GRM7: variants seen among roughly 807,000 people sequenced by gnomAD.
The protein encoded by GRM7 is glutamate metabotropic receptor 7.
GRM7 carries 35 observed loss-of-function variants against 84.5 expected under a neutral mutation model. The observed-to-expected ratio is 0.41, with a 90% CI of 0.32 to 0.55. The LOEUF is 0.55. Among genes scored for constraint, GRM7 ranks in the 20% least tolerant of loss-of-function variants. The pLI, the probability that GRM7 is intolerant of heterozygous loss-of-function variation, is 0.19. For synonymous variants in GRM7, 487 were observed against 455.1 expected (o/e 1.07, Z -0.89); for missense variants, 1,003 against 1,194.6 (o/e 0.84, Z 2.36).
chr3:7,736,698 A>G (rs1317367334), intron 9 of GRM7, among the ~76,000 whole-genome samples: 1 of 152,112 alleles, frequency 6.6e-6, no homozygotes, highest in African/African-American at 2.4e-5. Flanking sequence ...ATTGCATCTT[A>G]TTTCCTATGA....
intron 2 of GRM7, among the ~76,000 whole-genome samples, chr3:7,223,679 A>G (rs964602883): frequency 6.6e-6 from 1 of 152,214 alleles, no homozygotes; most frequent in Non-Finnish European, 1.5e-5. Context: ...ACATGACAAT[A>G]AAAACCTCCT....
intron 4 of GRM7, among the ~76,000 whole-genome samples, chr3:7,341,923 A>G (rs866172081): frequency 6.6e-6 from 1 of 152,166 alleles, no homozygotes; most frequent in Non-Finnish European, 1.5e-5. Flanking sequence ...GCTGTCATTC[A>G]GAAGACAAGG....
At chr3:6,919,873 G>T (rs148142958) in intron 1 of GRM7, among the ~76,000 whole-genome samples, 5 of 152,242 alleles carry the variant, frequency 3.3e-5, no homozygotes, top group African/African-American at 1.2e-4. Context: ...GAATGTGCCT[G>T]TTCCACTTTG....
intron 1 of GRM7, among the ~76,000 whole-genome samples, chr3:7,007,904 G>A (rs530582616): frequency 6.6e-6 from 1 of 152,240 alleles, no homozygotes; most frequent in Admixed American, 6.5e-5. Context: ...TGACACCAGG[G>A]ACATTTGGTT....
chr3:7,352,040 TCACACA>T (rs1033361524), intron 4 of GRM7, among the ~76,000 whole-genome samples: 3 of 132,120 alleles, frequency 2.3e-5, no homozygotes, highest in Non-Finnish European at 4.7e-5. Context: ...TCTCTCTCTC[TCACACA>T]CACACACACA....
chr3:7,153,947 G>A (rs114154698), intron 2 of GRM7, among the ~76,000 whole-genome samples: 1,905 of 152,288 alleles, frequency 0.013, 13 homozygotes, highest in Non-Finnish European at 0.02. Flanking sequence ...CCAAAGGTAA[G>A]TAGATGTTAA....
chr3:7,348,774 C>T (rs545841540), intron 4 of GRM7, among the ~76,000 whole-genome samples: 6 of 152,224 alleles, frequency 3.9e-5, no homozygotes, highest in African/African-American at 1.4e-4. Flanking sequence ...GCAATAGGGC[C>T]TGGCAATCTG....
intron 1 of GRM7, among the ~76,000 whole-genome samples, chr3:7,012,909 T>A (rs1461986655): frequency 6.6e-6 from 1 of 152,148 alleles, no homozygotes; most frequent in African/African-American, 2.4e-5. Context: ...TCCAGCTAAT[T>A]TGTTATTTTT....
chr3:7,526,909 ATGT>A (rs1700829463), intron 7 of GRM7, among the ~76,000 whole-genome samples: 2 of 151,988 alleles, frequency 1.3e-5, no homozygotes, highest in South Asian at 4.2e-4. Context: ...TAACAGTACC[ATGT>A]TGTTTTGGTT....
chr3:7,730,021 CCCA>C (rs1352312841), intron 9 of GRM7, among the ~76,000 whole-genome samples: 1 of 149,660 alleles, frequency 6.7e-6, no homozygotes, highest in African/African-American at 2.5e-5. Flanking sequence ...ATTGCAGGCG[CCCA>C]CCATCACACC....
At chr3:7,093,276 C>A (rs1343635933) in intron 1 of GRM7, among the ~76,000 whole-genome samples, 1 of 151,970 alleles carries the variant, frequency 6.6e-6, no homozygotes, top group African/African-American at 2.4e-5. Context: ...TACTGACTGA[C>A]TGTGATGGAG....
At chr3:6,864,559 T>A (rs971515019) in intron 1 of GRM7, among the ~76,000 whole-genome samples, 2 of 152,212 alleles carry the variant, frequency 1.3e-5, no homozygotes, top group Admixed American at 1.3e-4. Context: ...ATTAAGATTG[T>A]CCTACATAAA....
At chr3:7,066,569 G>T (rs1334879141) in intron 1 of GRM7, among the ~76,000 whole-genome samples, 1 of 151,858 alleles carries the variant, frequency 6.6e-6, no homozygotes, top group African/African-American at 2.4e-5. Flanking sequence ...AGGACCAGAT[G>T]GATTCACAGC....
In GRM7 at chr3:7,578,399, C is replaced by T. The variant is rs780632777; in HGVS notation, c.1516-23C>T. ...TCTCTTGAAGAATCTGCCTGATTCA[C>T]CTTCTTATTTCTTATGTTACAGATA... On this transcript the variant is annotated intron_variant, in intron 7 of 9. Coordinates refer to ENST00000357716, the MANE Select transcript of GRM7 (RefSeq NM_000844.4). The T allele has an allele frequency of 2.0e-6, 3 of 1,496,978 alleles. No individual in the cohort carries two copies. In the South Asian group the frequency reaches 3.6e-5, roughly 18 times the overall value. 92.7% of individuals were successfully genotyped at this position (1,496,978 alleles called of 1,614,324 possible).
At chr3:7,506,362 C>T (rs1266802746) in intron 7 of GRM7, among the ~76,000 whole-genome samples, 10 of 152,100 alleles carry the variant, frequency 6.6e-5, no homozygotes, top group Admixed American at 6.6e-4. Context: ...CTCTTATTCC[C>T]AGCTTTCACT....
rs2124903007 is a variant in GRM7, at chr3:7,015,844, G to T, written c.520-130608G>T. 2.0e-5 allele frequency among the ~76,000 whole-genome samples: 3 copies of T among 152,282 alleles called. No homozygotes were observed. In the Middle Eastern group the frequency reaches 0.01, roughly 518 times the overall value. ...GAGAGAGCAAGAAGGAGGCCAGAGT[G>T]CCTTTGATAACTTAGTCTCAGAAGT... is the stretch of plus-strand genomic sequence containing the variant. On this transcript the variant is annotated intron_variant, in intron 1 of 9. Coordinates refer to ENST00000357716, the MANE Select transcript of GRM7 (RefSeq NM_000844.4).
At chr3:7,119,540 C>T (rs1162869190) in intron 1 of GRM7, among the ~76,000 whole-genome samples, 1 of 152,092 alleles carries the variant, frequency 6.6e-6, no homozygotes, top group Non-Finnish European at 1.5e-5. Context: ...ATACATTACT[C>T]GACACTTTTC....
chr3:7,356,311 A>T (rs1038266278), intron 4 of GRM7, among the ~76,000 whole-genome samples: 1,655 of 149,212 alleles, frequency 0.011, 29 homozygotes, highest in African/African-American at 0.039. Flanking sequence ...TTTTTTTTTT[A>T]TTTTTTTTGA....
chr3:7,422,339 A>G (rs1195052488), intron 5 of GRM7, among the ~76,000 whole-genome samples: 4 of 152,192 alleles, frequency 2.6e-5, no homozygotes, highest in African/African-American at 9.7e-5. Flanking sequence ...AACCTTTTAC[A>G]ATGACGGACA....
Sources: gnomAD v4.1 joint callset for allele counts (sites outside exome capture counted in the v4.1 genomes callset) on GRCh38, gnomAD v4.1.1 for gene constraint, MANE v1.5 for transcripts, NCBI Gene and HGNC (gene_info 2026-07-23, HGNC 2026-07-21) for gene names.